IFNG-AS1: variants seen among roughly 807,000 people sequenced by gnomAD.
IFNG-AS1 encodes IFNG antisense RNA 1 (non-protein coding).
intron 4 of IFNG-AS1, chr12:68,020,396 A>G (rs1291655846): frequency 6.6e-6 from 1 of 152,218 alleles, no homozygotes; most frequent in Non-Finnish European, 1.5e-5. Context: ...TCGACAGTAC[A>G]GGAAACCATT....
intron 3 of IFNG-AS1, among the ~76,000 whole-genome samples, chr12:68,015,352 G>C (rs1047006021): frequency 7.2e-5 from 11 of 152,296 alleles, no homozygotes; most frequent in African/African-American, 2.6e-4. Flanking sequence ...CTAAAGGGTA[G>C]AGTCCACGTA....
intron 2 of IFNG-AS1, among the ~76,000 whole-genome samples, chr12:68,003,012 T>C (rs1879805930): frequency 6.6e-6 from 1 of 152,188 alleles, no homozygotes; most frequent in African/African-American, 2.4e-5. Context: ...TGTTATTTAG[T>C]ATGTTGCTTT....
intron 2 of IFNG-AS1, among the ~76,000 whole-genome samples, chr12:68,001,118 A>C (rs191140470): frequency 0.02 from 3,084 of 150,768 alleles, 38 homozygotes; most frequent in Non-Finnish European, 0.031. Flanking sequence ...CATACATACA[A>C]ACACACATAT....
intron 3 of IFNG-AS1, among the ~76,000 whole-genome samples, chr12:68,019,104 TTC>T (rs774752627): frequency 2.6e-5 from 4 of 152,284 alleles, no homozygotes; most frequent in Non-Finnish European, 4.4e-5. Context: ...CTTCACTCTA[TTC>T]TTTAATTTCG....
intron 3 of IFNG-AS1, among the ~76,000 whole-genome samples, chr12:68,010,159 A>C (rs1014432732): frequency 2.6e-5 from 4 of 152,324 alleles, no homozygotes; most frequent in African/African-American, 9.6e-5. Context: ...CATCATTGAT[A>C]AGCTTGATGC....
At chr12:68,013,682 T>C (rs551771566) in intron 3 of IFNG-AS1, 6 of 152,170 alleles carry the variant, frequency 3.9e-5, no homozygotes, top group African/African-American at 1.4e-4. Context: ...GGACTTTGAG[T>C]AAAGTAGATA....
intron 1 of IFNG-AS1, among the ~76,000 whole-genome samples, chr12:67,995,761 G>A (rs1183100464): frequency 2.0e-5 from 3 of 151,716 alleles, no homozygotes; most frequent in Non-Finnish European, 4.4e-5. Flanking sequence ...ATGGCAGGGT[G>A]AGATATTCAA....
chr12:68,014,040 GT>G (rs1380230078), intron 3 of IFNG-AS1, among the ~76,000 whole-genome samples: 2 of 152,172 alleles, frequency 1.3e-5, no homozygotes, highest in African/African-American at 2.4e-5. Context: ...AACATATGAT[GT>G]TTAGTATTCC....
At chr12:67,990,416 T>G (rs1305932015) in intron 1 of IFNG-AS1, among the ~76,000 whole-genome samples, 1 of 152,210 alleles carries the variant, frequency 6.6e-6, no homozygotes, top group African/African-American at 2.4e-5. Context: ...CTGGTCCATA[T>G]AAATCCTCTC....
intron 2 of IFNG-AS1, among the ~76,000 whole-genome samples, chr12:67,998,229 A>T (rs1039785188): frequency 2.6e-5 from 4 of 152,128 alleles, no homozygotes; most frequent in African/African-American, 4.8e-5. Context: ...TATTGGAAAC[A>T]ATGTAAATAT....
chr12:68,014,597 G>A (rs1025711700), intron 3 of IFNG-AS1, among the ~76,000 whole-genome samples: 4 of 152,058 alleles, frequency 2.6e-5, no homozygotes, highest in African/African-American at 7.2e-5. Flanking sequence ...ATCTTCTTTT[G>A]AGAATTGAGC....
At chr12:68,007,109 G>A (rs1565690127) in intron 3 of IFNG-AS1, among the ~76,000 whole-genome samples, 1 of 152,188 alleles carries the variant, frequency 6.6e-6, no homozygotes, top group African/African-American at 2.4e-5. Context: ...GACTACATGG[G>A]TTCATGTCCC....
At chr12:67,996,474 G>A (rs564510835) in intron 2 of IFNG-AS1, among the ~76,000 whole-genome samples, 7 of 152,272 alleles carry the variant, frequency 4.6e-5, no homozygotes, top group African/African-American at 1.7e-4. Flanking sequence ...ACAAAATCTT[G>A]TATAGTTTTC....
chr12:68,017,460 G>A lies in IFNG-AS1; in HGVS notation n.242-2402G>A, dbSNP rs141746281. Among the ~76,000 whole-genome samples the A allele has an allele frequency of 5.9e-3, 893 of 152,226 alleles. 11 individuals carry two copies. Among genetic ancestry groups the A allele is most frequent in the African/African-American group, 0.021 (861 of 41,530 alleles). ...AGAGGCTTGGATTTGAGTACTGGAA[G>A]CTGAGATGGGAACAAGTGAAAGGAT... On this transcript the variant is annotated intron_variant and non_coding_transcript_variant, in intron 3 of 5. Coordinates refer to ENST00000536914, the Ensembl canonical transcript of IFNG-AS1.
chr12:68,001,178 C>A (rs923433998), intron 2 of IFNG-AS1, among the ~76,000 whole-genome samples: 1 of 152,134 alleles, frequency 6.6e-6, no homozygotes, highest in African/African-American at 2.4e-5. Flanking sequence ...ACTTGCTAAT[C>A]ATGATGAATG....
intron 2 of IFNG-AS1, among the ~76,000 whole-genome samples, chr12:68,004,874 C>A (rs1182008935): frequency 6.6e-6 from 1 of 152,084 alleles, no homozygotes; most frequent in African/African-American, 2.4e-5. Flanking sequence ...ATACTAAAAA[C>A]CTGCCTCTCC....
At chr12:68,006,277 A>T (rs1879903194) in intron 3 of IFNG-AS1, 1 of 152,268 alleles carries the variant, frequency 6.6e-6, no homozygotes, top group African/African-American at 2.4e-5. Context: ...GAGTAAATTT[A>T]CAAGATAATT....
chr12:67,991,281 T>C (rs1879505653), intron 1 of IFNG-AS1, among the ~76,000 whole-genome samples: 1 of 152,192 alleles, frequency 6.6e-6, no homozygotes, highest in Non-Finnish European at 1.5e-5. Context: ...AGACGGCACA[T>C]GCTAAGTGGC....
chr12:67,997,929 A>G (rs2120425528), intron 2 of IFNG-AS1, among the ~76,000 whole-genome samples: 1 of 152,204 alleles, frequency 6.6e-6, no homozygotes, highest in East Asian at 1.9e-4. Flanking sequence ...AGTGAAATAC[A>G]AATTAAAACT....
Sources: allele counts gnomAD v4.1 joint callset (sites outside exome capture counted in the v4.1 genomes callset), GRCh38; gene constraint gnomAD v4.1.1; transcripts MANE v1.5; gene names NCBI Gene and HGNC (gene_info 2026-07-23, HGNC 2026-07-21).